The following LOC400499 variants were observed in gnomAD, a reference collection of about 807,000 sequenced individuals.
the LOC400499 span, among the ~76,000 whole-genome samples, chr16:11,485,419 C>G: frequency 3.9e-5 from 6 of 152,104 alleles, no homozygotes; most frequent in Admixed American, 3.9e-4. Context: ...GTGTCTTCCT[C>G]GAAAGATCCA....
chr16:11,455,666 C>T, the LOC400499 span, among the ~76,000 whole-genome samples: 1 of 147,898 alleles, frequency 6.8e-6, no homozygotes, highest in African/African-American at 2.5e-5. Context: ...GTCTTGGATG[C>T]AGAGGTTGCA....
the LOC400499 span, chr16:11,470,761 CAT>C: frequency 6.6e-6 from 1 of 152,390 alleles, no homozygotes; most frequent in East Asian, 1.9e-4. Context: ...CTGGCGAAGT[CAT>C]TGGTGTAGGG....
the LOC400499 span, chr16:11,522,113 C>G: frequency 2.8e-6 from 1 of 358,080 alleles, no homozygotes; most frequent in East Asian, 3.7e-5. Flanking sequence ...CCAGCTGACC[C>G]TGAAGGGCAG....
the LOC400499 span, chr16:11,407,340 G>C: frequency 2.8e-6 from 1 of 352,730 alleles, no homozygotes. Context: ...TAGTGTAGCT[G>C]GGTCAGAAAA....
the LOC400499 span, among the ~76,000 whole-genome samples, chr16:11,526,199 A>T: frequency 6.6e-6 from 1 of 152,246 alleles, no homozygotes; most frequent in Non-Finnish European, 1.5e-5. Flanking sequence ...GCTATGAAGC[A>T]TCTAAAATGT....
the LOC400499 span, chr16:11,462,100 G>A: frequency 6.8e-7 from 1 of 1,474,290 alleles, no homozygotes; most frequent in African/African-American, 1.4e-5. Context: ...GGGGACAGAA[G>A]GGGTCTCATC....
At chr16:11,421,199 C>T in the LOC400499 span, among the ~76,000 whole-genome samples, 1 of 152,122 alleles carries the variant, frequency 6.6e-6, no homozygotes, top group Non-Finnish European at 1.5e-5. Flanking sequence ...TGTCACTATC[C>T]ACAGAGCGCT....
chr16:11,383,871 C>T, the LOC400499 span: 3 of 1,232,122 alleles, frequency 2.4e-6, no homozygotes, highest in Non-Finnish European at 2.0e-6. Flanking sequence ...CCCCATGGGC[C>T]AGGCTCACAC....
At chr16:11,519,303 C>A in the LOC400499 span, among the ~76,000 whole-genome samples, 1 of 152,104 alleles carries the variant, frequency 6.6e-6, no homozygotes, top group Admixed American at 6.6e-5. Flanking sequence ...AAAGGCTTTG[C>A]CCATGATGAG....
chr16:11,387,398 G>C, the LOC400499 span: 1 of 956,360 alleles, frequency 1.0e-6, no homozygotes, highest in Non-Finnish European at 1.4e-6. Flanking sequence ...CTGCAGTGGA[G>C]AGCATGAGGG....
At chr16:11,455,200 T>C in the LOC400499 span, among the ~76,000 whole-genome samples, 2 of 152,122 alleles carry the variant, frequency 1.3e-5, no homozygotes, top group African/African-American at 2.4e-5. Flanking sequence ...ATAGTTATAA[T>C]TGGGTAAGCA....
the LOC400499 span, among the ~76,000 whole-genome samples, chr16:11,480,333 T>C: frequency 5.9e-5 from 9 of 152,358 alleles, no homozygotes; most frequent in Admixed American, 5.9e-4. Flanking sequence ...TAGTCCAAGA[T>C]GCTTTTAACA....
the LOC400499 span, chr16:11,391,854 G>A: frequency 1.5e-5 from 19 of 1,226,704 alleles, no homozygotes; most frequent in African/African-American, 3.1e-5. Context: ...GGTGCCTGCC[G>A]GCTGCACCTG....
the LOC400499 span, chr16:11,476,815 A>G: frequency 1.8e-5 from 7 of 399,138 alleles, no homozygotes; most frequent in Non-Finnish European, 3.1e-5. Flanking sequence ...ATGCACCTTA[A>G]GGACCCGGCC....
chr16:11,494,795 G>A, the LOC400499 span: 1 of 398,886 alleles, frequency 2.5e-6, no homozygotes, highest in African/African-American at 2.1e-5. Context: ...CCGAGGTGGT[G>A]GGTAAATGCA....
chr16:11,406,751 G>C, the LOC400499 span, among the ~76,000 whole-genome samples: 1 of 152,220 alleles, frequency 6.6e-6, no homozygotes, highest in Non-Finnish European at 1.5e-5. Context: ...ATTTTCAAAT[G>C]GCTGGTGCTT....
the LOC400499 span, among the ~76,000 whole-genome samples, chr16:11,409,587 G>C: frequency 2.6e-5 from 4 of 152,224 alleles, no homozygotes; most frequent in African/African-American, 7.2e-5. Context: ...AACTACGAAT[G>C]CTGCGTGATC....
chr16:11,373,755 G>C, the LOC400499 span, among the ~76,000 whole-genome samples: 1 of 152,146 alleles, frequency 6.6e-6, no homozygotes, highest in Non-Finnish European at 1.5e-5. Context: ...AAGTAGCTGG[G>C]ATTACAGGTA....
chr16:11,383,484 A>G, the LOC400499 span, among the ~76,000 whole-genome samples: 40,672 of 152,146 alleles, frequency 0.27, 5,628 homozygotes, highest in Middle Eastern at 0.4. Context: ...TCGAGGGGAC[A>G]CACATCCAAA....
Sources: allele counts gnomAD v4.1 joint callset (sites outside exome capture counted in the v4.1 genomes callset), GRCh38; gene constraint gnomAD v4.1.1; transcripts MANE v1.5.